UNC5C: variants seen among roughly 807,000 people sequenced by gnomAD.
UNC5C encodes netrin receptor UNC5C.
UNC5C carries 47 observed loss-of-function variants against 99.8 expected under a neutral mutation model. The observed-to-expected ratio is 0.47, with a 90% confidence interval of 0.37 to 0.60. The LOEUF is 0.60. Among genes scored for constraint, UNC5C ranks in the 20% least tolerant of loss-of-function variants. The pLI, the probability that UNC5C is intolerant of heterozygous loss-of-function variation, is 0.00. For synonymous variants in UNC5C, 487 were observed against 452.2 expected, an observed-to-expected ratio of 1.08 and a Z score of -0.98; for missense variants, 1,062 against 1,165.9, an observed-to-expected ratio of 0.91 and a Z score of 1.30.
At chr4:95,264,756 T>C (rs978853059) in intron 4 of UNC5C, among the ~76,000 whole-genome samples, 1 of 152,318 alleles carries the variant, frequency 6.6e-6, no homozygotes. Flanking sequence ...CTTTCAAAGG[T>C]GATCAGTGGC....
chr4:95,341,954 G>A (rs1049618769), intron 1 of UNC5C, among the ~76,000 whole-genome samples: 3 of 152,074 alleles, frequency 2.0e-5, no homozygotes, highest in African/African-American at 7.2e-5. Context: ...CCCACAGAGG[G>A]AGCATTTATA....
intron 1 of UNC5C, among the ~76,000 whole-genome samples, chr4:95,482,454 T>C (rs949011269): frequency 4.7e-5 from 7 of 149,870 alleles, no homozygotes; most frequent in African/African-American, 1.5e-4. Context: ...AGTGTGGCGA[T>C]TCCTCAGGGA....
chr4:95,524,552 C>T (rs1018528002), intron 1 of UNC5C, among the ~76,000 whole-genome samples: 2 of 152,126 alleles, frequency 1.3e-5, no homozygotes, highest in Non-Finnish European at 2.9e-5. Context: ...CTGGAAGCTG[C>T]CACCATATTG....
intron 1 of UNC5C, among the ~76,000 whole-genome samples, chr4:95,398,567 C>T (rs1364627583): frequency 2.0e-5 from 3 of 152,222 alleles, no homozygotes; most frequent in South Asian, 2.1e-4. Flanking sequence ...CTTGCTAATA[C>T]TGTCCATTTG....
chr4:95,222,326 A>G (rs1190038970), intron 7 of UNC5C: 8 of 1,010,604 alleles, frequency 7.9e-6, no homozygotes, highest in Admixed American at 3.3e-5. Context: ...TGAGGGAAAG[A>G]AAATAGGAAG....
chr4:95,402,830 A>G (rs1171150571), intron 1 of UNC5C, among the ~76,000 whole-genome samples: 1 of 152,192 alleles, frequency 6.6e-6, no homozygotes, highest in South Asian at 2.1e-4. Context: ...ATTTCTTTAG[A>G]GTCCCCTAGT....
rs371567082 is a variant in UNC5C at position 95,347,419 on chromosome 4, C to T, written c.125-11788G>A. Reference sequence around the variant, plus strand: ...AATAGAAAAAAAATGCTAAAATTTACATGGAACCACAACACACCCAGAATA... The same window carrying T: ...AATAGAAAAAAAATGCTAAAATTTATATGGAACCACAACACACCCAGAATA... On this transcript the variant is annotated intron_variant, in intron 1 of 15. Coordinates refer to ENST00000453304, the MANE Select transcript of UNC5C (RefSeq NM_003728.4). 1.6e-4 allele frequency among the ~76,000 whole-genome samples: 24 copies of T among 151,962 alleles called. No individual in the cohort carries two copies. The South Asian group carries it at 4.4e-3, about 28-fold the overall frequency.
In UNC5C at chr4:95,470,168, T is replaced by G. The variant is rs182335389; in HGVS notation, c.124+78566A>C. Among the ~76,000 whole-genome samples, 23 of 152,260 alleles carry G rather than the reference T, an allele frequency of 1.5e-4. No individual in the cohort carries two copies. The East Asian group carries it at 4.1e-3, about 27-fold the overall frequency. On this transcript the variant is annotated intron_variant, in intron 1 of 15. Coordinates refer to ENST00000453304, the MANE Select transcript of UNC5C (RefSeq NM_003728.4). ...AAAATAGACTAGTATGTATGTATAC[T>G]TTTTACATTCATTACATACCTAACT...
Position 95,250,642 on chromosome 4 carries a change from A to C in UNC5C, c.620T>G (p.Ile207Arg). 1 of 1,613,862 alleles carries C rather than the reference A, an allele frequency of 6.2e-7. No homozygotes were observed. The highest frequency in any genetic ancestry group is 8.5e-7 in the Non-Finnish European group (1 of 1,179,906). The part of the protein sequence containing the change: ...AEVEWLKNED[I>R]IDPVEDRNFY... ...ATTCCGATCTTCAACGGGATCAATT[A>C]TGTCTTCATTTTTCAACCATTCCAC... The change falls in exon 5 of 16, where the codon ATA (isoleucine) becomes AGA (arginine). Residue 207 changes from isoleucine (I) to arginine (R), a missense_variant. Ile to Arg is a moderately conservative substitution (Grantham distance 97, BLOSUM62 -3). This residue lies in a region of UNC5C where 249 missense variants were observed against 295.1 expected (regional missense o/e 0.84). Transcript: ENST00000453304.
chr4:95,485,964 A>G (rs1721317845), intron 1 of UNC5C, among the ~76,000 whole-genome samples: 1 of 151,816 alleles, frequency 6.6e-6, no homozygotes, highest in Admixed American at 6.6e-5. Context: ...AAAAAGTTGC[A>G]TGACATAAAA....
At chr4:95,410,687 G>A (rs2149451761) in intron 1 of UNC5C, among the ~76,000 whole-genome samples, 1 of 152,236 alleles carries the variant, frequency 6.6e-6, no homozygotes, top group South Asian at 2.1e-4. Flanking sequence ...AGAAATCAGG[G>A]CAATTATTGA....
At chr4:95,226,463 C>T (rs1176477381) in intron 7 of UNC5C, among the ~76,000 whole-genome samples, 2 of 152,128 alleles carry the variant, frequency 1.3e-5, no homozygotes, top group African/African-American at 2.4e-5. Context: ...TTATGATGCA[C>T]GTTACTAAGG....
At chr4:95,548,078 G>A (rs1231172340) in intron 1 of UNC5C, among the ~76,000 whole-genome samples, 2 of 152,198 alleles carry the variant, frequency 1.3e-5, no homozygotes, top group East Asian at 1.9e-4. Flanking sequence ...CAGGCATGAA[G>A]CGGGGTATGT....
chr4:95,380,955 T>C (rs907479303), intron 1 of UNC5C, among the ~76,000 whole-genome samples: 1 of 152,170 alleles, frequency 6.6e-6, no homozygotes, highest in Non-Finnish European at 1.5e-5. Context: ...ATTTAAAACC[T>C]TTGTTGCAAT....
intron 14 of UNC5C, among the ~76,000 whole-genome samples, chr4:95,175,242 C>T (rs1217735599): frequency 5.9e-5 from 9 of 151,646 alleles, no homozygotes; most frequent in Non-Finnish European, 8.8e-5. Context: ...AGTCCATTTA[C>T]ATTTAAAGTT....
chr4:95,166,829 T>C lies in UNC5C; in HGVS notation c.*2405A>G, dbSNP rs1735874891. ...ATGTGTGTGTATAACTGCGTGTATATATATTTGATTTTTAATTTAGAATAC... is the reference window on the plus strand; with the variant it reads ...ATGTGTGTGTATAACTGCGTGTATACATATTTGATTTTTAATTTAGAATAC... On this transcript the variant is annotated 3_prime_UTR_variant, in exon 16 of 16. Coordinates refer to ENST00000453304, the MANE Select transcript of UNC5C (RefSeq NM_003728.4). 6.6e-6 allele frequency: 1 copy of C among 152,166 alleles called. No individual in the cohort carries two copies. Among genetic ancestry groups the C allele is most frequent in the Admixed American group, 6.5e-5 (1 of 15,280 alleles). The allele number at this position is 152,166 out of a possible 1,614,324, so 9.4% of individuals were successfully genotyped here.
intron 1 of UNC5C, among the ~76,000 whole-genome samples, chr4:95,510,511 C>CAT (rs1722042325): frequency 6.6e-6 from 1 of 151,960 alleles, no homozygotes; most frequent in African/African-American, 2.4e-5. Context: ...TAAAGCAAGT[C>CAT]ATATACATAT....
chr4:95,475,295 T>C (rs1397551687), intron 1 of UNC5C, among the ~76,000 whole-genome samples: 1 of 152,088 alleles, frequency 6.6e-6, no homozygotes, highest in African/African-American at 2.4e-5. Flanking sequence ...ACACGGAATC[T>C]GAATCCAAGA....
intron 2 of UNC5C, among the ~76,000 whole-genome samples, chr4:95,321,943 T>C (rs894465695): frequency 3.9e-5 from 6 of 152,188 alleles, no homozygotes; most frequent in Admixed American, 1.3e-4. Context: ...AAATTGTTAG[T>C]TTCTGGTATT....
Sources: gnomAD v4.1 joint callset for allele counts (sites outside exome capture counted in the v4.1 genomes callset) on GRCh38, gnomAD v4.1.1 for gene constraint, gnomAD v4.1.1 regional missense constraint, MANE v1.5 for transcripts, NCBI Gene and HGNC (gene_info 2026-07-23, HGNC 2026-07-21) for gene names.